The following ATXN10 variants were observed in gnomAD, a reference collection of about 807,000 sequenced individuals.
ATXN10 encodes ataxin-10.
A neutral mutation model predicts 52.9 loss-of-function variants in ATXN10; 28 were observed. That is an observed-to-expected ratio of 0.53 (90% CI 0.39 to 0.73). ATXN10 has a LOEUF of 0.73. Ranked by LOEUF, ATXN10 falls within the 30% of genes least tolerant of loss-of-function variation. The pLI is 0.00. For synonymous variants in ATXN10, 226 were observed against 221.5 expected (o/e 1.02, Z -0.18); for missense variants, 565 against 577.0 (o/e 0.98, Z 0.21).
chr22:45,711,354 G>A (rs1280054633), intron 5 of ATXN10, among the ~76,000 whole-genome samples: 1 of 152,182 alleles, frequency 6.6e-6, no homozygotes, highest in African/African-American at 2.4e-5. Context: ...CGGATTAGTG[G>A]TTGTCGGGGA....
At chr22:45,673,564 A>G (rs1164609469) in intron 1 of ATXN10, 1 of 152,228 alleles carries the variant, frequency 6.6e-6, no homozygotes, top group Non-Finnish European at 1.5e-5. Flanking sequence ...GTCATCAACC[A>G]TTTATTGAGC....
chr22:45,837,862 A>G lies in ATXN10; in HGVS notation c.1238-5129A>G, dbSNP rs78873334. 0.074 allele frequency among the ~76,000 whole-genome samples: 11,330 copies of G among 152,308 alleles called. 540 individuals carry two copies. Among genetic ancestry groups the G allele is most frequent in the Middle Eastern group, 0.13 (38 of 292 alleles). On this transcript the variant is annotated intron_variant, in intron 10 of 11. Transcript: ENST00000252934. This position sits in a 1 kb window ranked among gnomAD's most constrained non-coding sequence, Gnocchi z 5.8. Reference sequence around the variant, plus strand: ...TTTTTCCAATCATCTAAATATATTAAAACTGTTTTTAGTTTGCTGTCATAA... The same window carrying G: ...TTTTTCCAATCATCTAAATATATTAGAACTGTTTTTAGTTTGCTGTCATAA...
chr22:45,749,277 C>CT (rs1925853471), intron 9 of ATXN10, among the ~76,000 whole-genome samples: 1 of 152,162 alleles, frequency 6.6e-6, no homozygotes, highest in African/African-American at 2.4e-5. Context: ...ACTTTGCTTG[C>CT]TTTACTGGTG....
chr22:45,753,377 C>CTTTTTTT (rs71190680), intron 9 of ATXN10, among the ~76,000 whole-genome samples: 4 of 57,870 alleles, frequency 6.9e-5, no homozygotes, highest in Admixed American at 5.1e-4. Context: ...CTCTTACCAG[C>CTTTTTTT]TTTTTTTTTT....
At chr22:45,730,202 G>A (rs1277094007) in intron 7 of ATXN10, among the ~76,000 whole-genome samples, 1 of 151,868 alleles carries the variant, frequency 6.6e-6, no homozygotes, top group South Asian at 2.1e-4. Context: ...AAATTAACTG[G>A]ACATGGTGGC....
chr22:45,744,541 G>A lies in ATXN10; in HGVS notation c.1173+4003G>A, dbSNP rs1232569410. The stretch of plus-strand genomic sequence containing the variant: ...GACCAAGTGTGATTTAACTCAGCTA[G>A]CACTTGCTGAGTGAGAATTGCCGTG... On this transcript the variant is annotated intron_variant, in intron 9 of 11. Transcript: ENST00000252934. The surrounding 1 kb of genome is among the most constrained non-coding windows in gnomAD (Gnocchi z 4.9). The A allele has an allele frequency of 1.3e-5, 2 of 152,250 alleles. No homozygotes were observed. Among genetic ancestry groups the A allele is most frequent in the East Asian group, 1.9e-4 (1 of 5,206 alleles). The allele number at this position is 152,250 out of a possible 1,614,324, so 9.4% of individuals were successfully genotyped here. A position where few individuals can be genotyped will look rare whatever the true frequency, so the allele number is the denominator to read the frequency against.
intron 10 of ATXN10, among the ~76,000 whole-genome samples, chr22:45,827,129 CCACACACACACACACACACACA>C (rs57068887): frequency 2.0e-5 from 3 of 146,714 alleles, no homozygotes; most frequent in African/African-American, 2.5e-5. Context: ...CCCATGGTAA[CCACACACACACACACACACACA>C]CACACACACA....
intron 5 of ATXN10, among the ~76,000 whole-genome samples, chr22:45,716,124 G>T (rs527874528): frequency 7.2e-5 from 11 of 152,136 alleles, no homozygotes; most frequent in Middle Eastern, 3.4e-3. Flanking sequence ...AAAAAGCTGC[G>T]TATGGTGGCA....
intron 7 of ATXN10, among the ~76,000 whole-genome samples, chr22:45,735,223 AGTTAAT>A (rs1487978122): frequency 1.3e-5 from 2 of 152,158 alleles, no homozygotes; most frequent in East Asian, 3.9e-4. Context: ...ATTGGTACAT[AGTTAAT>A]GTTCCCTAAA....
chr22:45,740,497 A>G lies in ATXN10; in HGVS notation c.1132A>G (p.Ile378Val), dbSNP rs1172180977. Residue 378 changes from isoleucine (I) to valine (V), a missense_variant, in exon 9 of 12, where the codon ATT becomes GTT. Transcript: ENST00000252934. ...NGFKSHLIRL[I>V]GNLCYKNKDN... Reference sequence around the variant, plus strand: ...GTTTAAGTCTCATCTCATTCGTCTGATTGGAAATCTGTGTTACAAGAATAA... The same window carrying G: ...GTTTAAGTCTCATCTCATTCGTCTGGTTGGAAATCTGTGTTACAAGAATAA... 1 of 1,613,844 alleles carries G rather than the reference A, an allele frequency of 6.2e-7. No homozygotes were observed. The highest frequency in any genetic ancestry group is 8.5e-7 in the Non-Finnish European group (1 of 1,179,894).
At chr22:45,803,268 A>C (rs1368475594) in intron 9 of ATXN10, among the ~76,000 whole-genome samples, 2 of 152,120 alleles carry the variant, frequency 1.3e-5, no homozygotes, top group African/African-American at 4.8e-5. Flanking sequence ...GGCCACTCTT[A>C]ATCCCTATGC....
chr22:45,799,167 T>C (rs1196729894), intron 9 of ATXN10, among the ~76,000 whole-genome samples: 5 of 151,650 alleles, frequency 3.3e-5, no homozygotes, highest in Non-Finnish European at 5.9e-5. Flanking sequence ...GCCTCCCGGG[T>C]TCAAGAGATT....
chr22:45,788,474 T>G (rs756853120), intron 9 of ATXN10, among the ~76,000 whole-genome samples: 1 of 151,504 alleles, frequency 6.6e-6, no homozygotes, highest in Non-Finnish European at 1.5e-5. Context: ...TGCATCTTTC[T>G]GTCCCCACTG....
intron 9 of ATXN10, chr22:45,740,754 GTATA>G: frequency 3.5e-6 from 1 of 286,152 alleles, no homozygotes; most frequent in South Asian, 6.1e-5. Flanking sequence ...GTGTGTGTGT[GTATA>G]TATATATATG....
chr22:45,722,814 C>T (rs1230690048), intron 6 of ATXN10, among the ~76,000 whole-genome samples: 1 of 152,106 alleles, frequency 6.6e-6, no homozygotes, highest in African/African-American at 2.4e-5. Flanking sequence ...GGGATCTGCC[C>T]CTGATTCAGG....
At chr22:45,767,847 A>C (rs1182078797) in intron 9 of ATXN10, among the ~76,000 whole-genome samples, 1 of 152,226 alleles carries the variant, frequency 6.6e-6, no homozygotes, top group African/African-American at 2.4e-5. Context: ...GAGAAATTAT[A>C]AACTGCATTC....
rs1928888303 is a variant in ATXN10, at chr22:45,828,460, A to G, written c.1238-14531A>G. Among the ~76,000 whole-genome samples, 1 of 152,160 alleles carries G rather than the reference A, an allele frequency of 6.6e-6. No homozygotes were observed. Among genetic ancestry groups the G allele is most frequent in the Admixed American group, 6.5e-5 (1 of 15,282 alleles). On this transcript the variant is annotated intron_variant, in intron 10 of 11. Transcript: ENST00000252934. This position sits in a 1 kb window ranked among gnomAD's most constrained non-coding sequence, Gnocchi z 4.5. ...GAATAGAAAAATAATAGAGAAAATT[A>G]TGAAAACAGAAGTTGCTTTTTTAAA...
In ATXN10 at chr22:45,837,455, G is replaced by A. The variant is rs1350777645; in HGVS notation, c.1238-5536G>A. 6.6e-6 allele frequency among the ~76,000 whole-genome samples: 1 copy of A among 152,126 alleles called. No homozygotes were observed. The highest frequency in any genetic ancestry group is 1.5e-5 in the Non-Finnish European group (1 of 68,024). On this transcript the variant is annotated intron_variant, in intron 10 of 11. Transcript: ENST00000252934. This position sits in a 1 kb window ranked among gnomAD's most constrained non-coding sequence, Gnocchi z 5.8. ...TTTTTTGTATATTTAGTAGAGATGG[G>A]GTTTTACCATGTTGGCCAGGCTGGT...
In ATXN10 at chr22:45,842,046, T is replaced by C. The variant is rs999383414; in HGVS notation, c.1238-945T>C. 6.6e-6 allele frequency among the ~76,000 whole-genome samples: 1 copy of C among 152,132 alleles called. No homozygotes were observed. Among genetic ancestry groups the C allele is most frequent in the African/African-American group, 2.4e-5 (1 of 41,430 alleles). ...GGGCAGGGAGGTCTCTTTCTTTGGATAGGTATTTGTTCTACCCTAGGTTCT... is the reference window on the plus strand; with the variant it reads ...GGGCAGGGAGGTCTCTTTCTTTGGACAGGTATTTGTTCTACCCTAGGTTCT... On this transcript the variant is annotated intron_variant, in intron 10 of 11. Transcript: ENST00000252934. This position sits in a 1 kb window ranked among gnomAD's most constrained non-coding sequence, Gnocchi z 4.8.
Sources: allele counts gnomAD v4.1 joint callset (sites outside exome capture counted in the v4.1 genomes callset), GRCh38; gene constraint gnomAD v4.1.1; non-coding constraint Gnocchi (gnomAD v3.1); transcripts MANE v1.5; gene names NCBI Gene and HGNC (gene_info 2026-07-23, HGNC 2026-07-21).